COPS2: variants seen among roughly 807,000 people sequenced by gnomAD.
The protein encoded by COPS2 is COP9 signalosome complex subunit 2.
Under a neutral mutation model 66.1 loss-of-function variants are expected in COPS2, and 10 were observed. The observed-to-expected ratio is 0.15, with a 90% CI of 0.09 to 0.26. COPS2 has a LOEUF of 0.26. COPS2 is among the 10% of genes least tolerant of loss of function. The pLI, the probability that COPS2 is intolerant of heterozygous loss-of-function variation, is 1.00. For synonymous variants in COPS2, 179 were observed against 171.3 expected, an observed-to-expected ratio of 1.04 and a Z score of -0.35; for missense variants, 215 against 513.3, an observed-to-expected ratio of 0.42 and a Z score of 5.62.
intron 6 of COPS2, among the ~76,000 whole-genome samples, chr15:49,135,771 A>G (rs2084246101): frequency 6.6e-6 from 1 of 152,354 alleles, no homozygotes; most frequent in South Asian, 2.1e-4. Context: ...TACAATATAC[A>G]AAACAATTTA....
In COPS2 at chr15:49,144,950, GA is replaced by G; in HGVS notation, c.168+14del. On this transcript the variant is annotated intron_variant, in intron 2 of 12. Coordinates refer to ENST00000388901, the MANE Select transcript of COPS2 (RefSeq NM_004236.4). ...AAAAATTAACACATAGAATCAAATG[GA>G]AAAGAATATAAACCTTTTGGAAACT... 7.0e-7 allele frequency: 1 copy of G among 1,429,292 alleles called. No homozygotes were observed. Among genetic ancestry groups the G allele is most frequent in the Non-Finnish European group, 9.6e-7 (1 of 1,042,214 alleles). The allele number at this position is 1,429,292 out of a possible 1,614,324, so 88.5% of individuals were successfully genotyped here.
intron 5 of COPS2, 48 bp from the exon 6 acceptor site, chr15:49,137,275 G>A (rs367583912): frequency 1.1e-4 from 171 of 1,524,680 alleles, no homozygotes; most frequent in Middle Eastern, 5.1e-4. Flanking sequence ...CAGAAGATGT[G>A]CATCTTTAGG....
intron 1 of COPS2, among the ~76,000 whole-genome samples, chr15:49,153,319 GAA>G (rs75762192): frequency 0.29 from 41,560 of 144,706 alleles, 6,221 homozygotes; most frequent in East Asian, 0.44. Flanking sequence ...ACACATACAT[GAA>G]AAAAAAAAAG....
At position 49,125,100 on chromosome 15, in the gene COPS2, G is replaced by A. The variant is rs1042979591; in HGVS notation, c.*2850C>T. The A allele has an allele frequency of 6.6e-6, 1 of 152,032 alleles. No individual in the cohort carries two copies. The highest frequency in any genetic ancestry group is 2.4e-5 in the African/African-American group (1 of 41,404). The allele number at this position is 152,032 out of a possible 1,614,324, so 9.4% of individuals were successfully genotyped here. ...TAAGACAAACCTAAGTCTTACATAA[G>A]GTAACAAACACTACCACCCACAGTA... is the stretch of plus-strand genomic sequence containing the variant. On this transcript the variant is annotated 3_prime_UTR_variant, in exon 13 of 13. Transcript: ENST00000388901.
chr15:49,152,610 T>G (rs995301156), intron 1 of COPS2, among the ~76,000 whole-genome samples: 13 of 152,064 alleles, frequency 8.5e-5, no homozygotes, highest in African/African-American at 2.9e-4. Context: ...TCACTTGAGG[T>G]CAGGAGTTCA....
Position 49,127,977 on chromosome 15 carries a change from G to A in COPS2, c.1305C>T (p.Asn435=), listed in dbSNP as rs1372963371. ...DKWTNQLNSL[N]QAVVSKLA ...AAGCCAGTTTACTGACTACAGCCTG[G>A]TTGAGAGAATTTAGTTGGTTGGTCC... Residue 435 remains asparagine, a synonymous_variant, in exon 13 of 13, where the codon AAC becomes AAT. Coordinates refer to ENST00000388901, the MANE Select transcript of COPS2 (RefSeq NM_004236.4). 6.2e-7 allele frequency: 1 copy of A among 1,613,926 alleles called. No individual in the cohort carries two copies. The highest frequency in any genetic ancestry group is 1.1e-5 in the South Asian group (1 of 91,066).
intron 2 of COPS2, among the ~76,000 whole-genome samples, chr15:49,144,593 G>A (rs2084309277): frequency 6.6e-6 from 1 of 152,010 alleles, no homozygotes; most frequent in South Asian, 2.1e-4. Context: ...CCAACCTATG[G>A]TAAAAATAAT....
chr15:49,132,988 ATTTT>A lies in COPS2; in HGVS notation c.947+767_947+770del, dbSNP rs35969483. ...CCTCAGAAAATTATCCATTGTAAAC[ATTTT>A]TTTTTTTTTTTTTTGAGACGGAGTC... is the stretch of plus-strand genomic sequence containing the variant. On this transcript the variant is annotated intron_variant, in intron 9 of 12. Coordinates refer to ENST00000388901, the MANE Select transcript of COPS2 (RefSeq NM_004236.4). Among the ~76,000 whole-genome samples the A allele has an allele frequency of 9.2e-4, 121 of 130,896 alleles. 1 individual carries two copies. Among genetic ancestry groups the A allele is most frequent in the African/African-American group, 3.3e-3 (116 of 34,964 alleles). 85.9% of individuals were successfully genotyped at this position (130,896 alleles called of 152,430 possible).
rs758857897 is a variant in COPS2, at chr15:49,123,126, G to A, written c.*4824C>T. On this transcript the variant is annotated 3_prime_UTR_variant, in exon 13 of 13. Coordinates refer to ENST00000388901, the MANE Select transcript of COPS2 (RefSeq NM_004236.4). Reference sequence around the variant, plus strand: ...AGATGCATAAAAATTTATTACTGTCGTAAACAGTAAGGGATAGGCAAACAT... The same window carrying A: ...AGATGCATAAAAATTTATTACTGTCATAAACAGTAAGGGATAGGCAAACAT... The A allele has an allele frequency of 2.6e-5, 4 of 151,908 alleles. No individual in the cohort carries two copies. The highest frequency in any genetic ancestry group is 6.6e-5 in the Admixed American group (1 of 15,248). 9.4% of individuals were successfully genotyped at this position (151,908 alleles called of 1,614,324 possible).
intron 1 of COPS2, among the ~76,000 whole-genome samples, chr15:49,149,114 G>C (rs2084341061): frequency 1.3e-5 from 2 of 152,100 alleles, no homozygotes; most frequent in South Asian, 4.1e-4. Context: ...TACAAGAACA[G>C]TTGTAAAAGG....
intron 9 of COPS2, among the ~76,000 whole-genome samples, chr15:49,133,050 G>A (rs1450017097): frequency 6.7e-6 from 1 of 148,500 alleles, no homozygotes; most frequent in African/African-American, 2.5e-5. Context: ...GTTCTGTGGC[G>A]CAATCTCAGC....
At chr15:49,155,284 G>C (rs2084415136) in intron 1 of COPS2, among the ~76,000 whole-genome samples, 1 of 152,264 alleles carries the variant, frequency 6.6e-6, no homozygotes, top group South Asian at 2.1e-4. Flanking sequence ...GAGGCGCTCA[G>C]ACTCGGAGGG....
intron 1 of COPS2, among the ~76,000 whole-genome samples, chr15:49,147,917 C>A (rs532497057): frequency 1.7e-4 from 26 of 152,152 alleles, no homozygotes; most frequent in Non-Finnish European, 2.5e-4. Context: ...ACATGAGAAT[C>A]GGCACAACTG....
At chr15:49,147,663 T>G (rs1406746246) in intron 1 of COPS2, among the ~76,000 whole-genome samples, 2 of 149,166 alleles carry the variant, frequency 1.3e-5, no homozygotes, top group African/African-American at 5.0e-5. Flanking sequence ...AGTAGTTACC[T>G]GTAACTTCTG....
chr15:49,153,059 G>A (rs2084373612), intron 1 of COPS2, among the ~76,000 whole-genome samples: 1 of 152,186 alleles, frequency 6.6e-6, no homozygotes, highest in South Asian at 2.1e-4. Flanking sequence ...GTATCCAACA[G>A]ACTATTGCTT....
At chr15:49,133,887 C>A in intron 8 of COPS2, 43 bp downstream of exon 8, 1 of 1,554,908 alleles carries the variant, frequency 6.4e-7, no homozygotes. Context: ...ACATTTATTT[C>A]CAGATAGCTG....
chr15:49,140,626 G>C (rs532318550), intron 3 of COPS2, among the ~76,000 whole-genome samples: 1 of 152,052 alleles, frequency 6.6e-6, no homozygotes, highest in Non-Finnish European at 1.5e-5. Flanking sequence ...ACTTATTCTG[G>C]GAGAGGTTTA....
intron 3 of COPS2, among the ~76,000 whole-genome samples, chr15:49,140,001 T>G (rs547460611): frequency 6.6e-6 from 1 of 152,266 alleles, no homozygotes; most frequent in African/African-American, 2.4e-5. Context: ...TTTTCTTTTT[T>G]TTTGAGACAG....
intron 6 of COPS2, among the ~76,000 whole-genome samples, chr15:49,135,290 A>T (rs3105866): frequency 6.6e-5 from 10 of 151,920 alleles, no homozygotes; most frequent in African/African-American, 2.4e-4. Context: ...TTGTCTTCCC[A>T]AAATCTTCAC....
Sources: allele counts gnomAD v4.1 joint callset (sites outside exome capture counted in the v4.1 genomes callset), GRCh38; gene constraint gnomAD v4.1.1; transcripts MANE v1.5; gene names NCBI Gene and HGNC (gene_info 2026-07-23, HGNC 2026-07-21).